CSMD1: variants seen among roughly 807,000 people sequenced by gnomAD.
CSMD1 encodes the protein CUB and sushi domain-containing protein 1.
In CSMD1, 213 loss-of-function variants were observed where a neutral mutation model predicts 417.5. That is an observed-to-expected ratio of 0.51 (90% CI 0.46 to 0.57). The LOEUF is 0.57. Among genes scored for constraint, CSMD1 ranks in the 20% least tolerant of loss-of-function variants. The pLI is 0.00. For missense variants in CSMD1, 6,923 were observed against 4,529.7 expected (o/e 1.53, Z -15.17); for synonymous variants, 2,862 against 1,736.8 (o/e 1.65, Z -16.11).
At chr8:4,557,904 T>C (rs1006546876) in intron 2 of CSMD1, among the ~76,000 whole-genome samples, 2 of 152,088 alleles carry the variant, frequency 1.3e-5, no homozygotes, top group Non-Finnish European at 2.9e-5. Flanking sequence ...ACGTGTTCAG[T>C]TTTTAGTTTT....
In CSMD1 at chr8:3,469,773, G is replaced by C. The variant is rs576539412; in HGVS notation, c.1449-949C>G. Among the ~76,000 whole-genome samples, 21 of 152,214 alleles carry C rather than the reference G, an allele frequency of 1.4e-4. No individual in the cohort carries two copies. In the South Asian group the frequency reaches 3.1e-3, roughly 23 times the overall value. On this transcript the variant is annotated intron_variant, in intron 11 of 69. Transcript: ENST00000635120. Reference sequence around the variant, plus strand: ...AGTACAGAGCACCGGATTCTTCAAAGGAAGAAGAACAACTGTCATTATATG... The same window carrying C: ...AGTACAGAGCACCGGATTCTTCAAACGAAGAAGAACAACTGTCATTATATG...
At chr8:4,739,209 T>C (rs1219959243) in intron 1 of CSMD1, among the ~76,000 whole-genome samples, 2 of 152,212 alleles carry the variant, frequency 1.3e-5, no homozygotes, top group Non-Finnish European at 2.9e-5. Context: ...TTCTATCTAT[T>C]AAAGCAATCC....
At chr8:3,394,005 A>AT (rs1811514723) in intron 17 of CSMD1, among the ~76,000 whole-genome samples, 1 of 59,888 alleles carries the variant, frequency 1.7e-5, no homozygotes, top group Non-Finnish European at 3.7e-5. Flanking sequence ...AATAATAAAA[A>AT]AATAAATTAT....
In CSMD1 at chr8:3,856,184, T is replaced by C. The variant is rs545362500; in HGVS notation, c.819-102142A>G. 3.7e-3 allele frequency among the ~76,000 whole-genome samples: 559 copies of C among 152,192 alleles called. 3 individuals carry two copies. Among genetic ancestry groups the C allele is most frequent in the African/African-American group, 7.3e-3 (305 of 41,534 alleles). On this transcript the variant is annotated intron_variant, in intron 5 of 69. Transcript: ENST00000635120. ...GGTTTGTAATGGTTTAGCACCATCC[T>C]CCCAGTGCTGTTCTCATGATAGAGT...
intron 12 of CSMD1, among the ~76,000 whole-genome samples, chr8:3,466,900 C>A (rs535384531): frequency 6.6e-6 from 1 of 152,096 alleles, no homozygotes; most frequent in Non-Finnish European, 1.5e-5. Context: ...CTGTTATAAT[C>A]TCTTAATTTT....
chr8:4,168,522 A>C (rs573855212), intron 3 of CSMD1, among the ~76,000 whole-genome samples: 1 of 152,164 alleles, frequency 6.6e-6, no homozygotes, highest in African/African-American at 2.4e-5. Context: ...AGATTAAAAT[A>C]AGTTACAGAC....
chr8:3,294,269 C>T (rs1803797604), intron 25 of CSMD1, among the ~76,000 whole-genome samples: 1 of 152,282 alleles, frequency 6.6e-6, no homozygotes, highest in East Asian at 1.9e-4. Flanking sequence ...ACTCAGGGGT[C>T]AGGGACCCCC....
At chr8:3,907,259 G>C (rs773367674) in intron 5 of CSMD1, among the ~76,000 whole-genome samples, 7 of 152,126 alleles carry the variant, frequency 4.6e-5, no homozygotes, top group African/African-American at 1.7e-4. Flanking sequence ...CAATTTGATC[G>C]TAAGTCTTTA....
chr8:4,191,317 AC>A (rs1799018220), intron 3 of CSMD1, among the ~76,000 whole-genome samples: 2 of 152,154 alleles, frequency 1.3e-5, no homozygotes, highest in African/African-American at 4.8e-5. Context: ...AATGGCGTGA[AC>A]CCGGGAGGCA....
intron 40 of CSMD1, among the ~76,000 whole-genome samples, chr8:3,149,669 C>T (rs1006673994): frequency 3.9e-5 from 6 of 152,066 alleles, no homozygotes; most frequent in African/African-American, 1.2e-4. Context: ...GTAGAGACGG[C>T]GTTTCATCAT....
At chr8:4,485,888 G>C (rs1027154787) in intron 2 of CSMD1, among the ~76,000 whole-genome samples, 1 of 151,914 alleles carries the variant, frequency 6.6e-6, no homozygotes, top group East Asian at 1.9e-4. Context: ...TGACCAGGGA[G>C]TAAGAAGTGG....
At chr8:4,280,985 G>T (rs1796750505) in intron 3 of CSMD1, among the ~76,000 whole-genome samples, 1 of 152,138 alleles carries the variant, frequency 6.6e-6, no homozygotes, top group African/African-American at 2.4e-5. Flanking sequence ...ATAGAATAAA[G>T]TAGTGGTTTT....
At chr8:4,443,768 CTA>C (rs1798619235) in intron 2 of CSMD1, among the ~76,000 whole-genome samples, 1 of 152,172 alleles carries the variant, frequency 6.6e-6, no homozygotes, top group South Asian at 2.1e-4. Flanking sequence ...TAAACACATT[CTA>C]TCTCTACCAA....
At chr8:4,222,635 A>C (rs775493009) in intron 3 of CSMD1, among the ~76,000 whole-genome samples, 1 of 152,212 alleles carries the variant, frequency 6.6e-6, no homozygotes, top group East Asian at 1.9e-4. Flanking sequence ...TGTCATTTAA[A>C]TTTCTGAATC....
intron 37 of CSMD1, among the ~76,000 whole-genome samples, chr8:3,177,479 A>G (rs967492693): frequency 1.3e-5 from 2 of 152,216 alleles, no homozygotes; most frequent in Admixed American, 6.5e-5. Flanking sequence ...TTATACATAA[A>G]GTGACATAAG....
Position 4,251,504 on chromosome 8 carries a change from A to T in CSMD1, c.415+168449T>A, listed in dbSNP as rs563938747. On this transcript the variant is annotated intron_variant, in intron 3 of 69. Coordinates refer to ENST00000635120, the MANE Select transcript of CSMD1 (RefSeq NM_033225.6). Reference sequence around the variant, plus strand: ...CACATATTAGAAGACAAAGGACAAGATAGTTATATCAAAATAAATAGCCTA... The same window carrying T: ...CACATATTAGAAGACAAAGGACAAGTTAGTTATATCAAAATAAATAGCCTA... Among the ~76,000 whole-genome samples the T allele has an allele frequency of 4.6e-5, 7 of 152,304 alleles. No homozygotes were observed. In the South Asian group the frequency reaches 1.2e-3, roughly 27 times the overall value.
At chr8:4,552,709 C>T (rs1167533573) in intron 2 of CSMD1, among the ~76,000 whole-genome samples, 2 of 152,138 alleles carry the variant, frequency 1.3e-5, no homozygotes, top group Non-Finnish European at 2.9e-5. Flanking sequence ...TCACAAGATG[C>T]TCAGAAGCTT....
intron 1 of CSMD1, among the ~76,000 whole-genome samples, chr8:4,834,218 C>T (rs1232070062): frequency 6.6e-6 from 1 of 151,994 alleles, no homozygotes; most frequent in East Asian, 1.9e-4. Flanking sequence ...CATATTTGAA[C>T]GTGGTAAGGA....
At chr8:4,544,987 A>G (rs1326527943) in intron 2 of CSMD1, among the ~76,000 whole-genome samples, 1 of 152,226 alleles carries the variant, frequency 6.6e-6, no homozygotes, top group African/African-American at 2.4e-5. Context: ...GCATATTCGT[A>G]ATGCATTTTA....
Sources: allele counts gnomAD v4.1 joint callset (sites outside exome capture counted in the v4.1 genomes callset), GRCh38; gene constraint gnomAD v4.1.1; transcripts MANE v1.5; gene names NCBI Gene and HGNC (gene_info 2026-07-23, HGNC 2026-07-21).